LAMC1: variants seen among roughly 807,000 people sequenced by gnomAD.
LAMC1 encodes laminin subunit gamma-1.
Under a neutral mutation model 173.6 loss-of-function variants are expected in LAMC1, and 38 were observed. The observed-to-expected ratio is 0.22, with a 90% CI of 0.17 to 0.29. The LOEUF is 0.29. LAMC1 is among the 10% of genes least tolerant of loss of function. LAMC1 has a pLI of 1.00. For synonymous variants in LAMC1, 746 were observed against 749.1 expected, an observed-to-expected ratio of 1.00 and a Z score of 0.07; for missense variants, 1,824 against 2,051.8, an observed-to-expected ratio of 0.89 and a Z score of 2.14.
At chr1:183,127,538 T>G (rs1656655225) in intron 17 of LAMC1, 134 bp downstream of exon 17, 1 of 677,310 alleles carries the variant, frequency 1.5e-6, no homozygotes. Flanking sequence ...ATGTTCCAGT[T>G]GGGAGGCAAA....
intron 1 of LAMC1, among the ~76,000 whole-genome samples, chr1:183,101,824 G>T (rs979175458): frequency 6.6e-6 from 1 of 152,210 alleles, no homozygotes; most frequent in Admixed American, 6.5e-5. Context: ...GTGCAAGTAT[G>T]TTTCATGTAT....
At chr1:183,071,092 G>T (rs566294912) in intron 1 of LAMC1, among the ~76,000 whole-genome samples, 2,012 of 139,054 alleles carry the variant, frequency 0.014, 58 homozygotes, top group African/African-American at 0.049. Flanking sequence ...TTTTGTTTTT[G>T]TTTTTTTTTT....
intron 23 of LAMC1, 64 bp from the exon 24 acceptor site, chr1:183,134,978 C>A: frequency 1.4e-6 from 2 of 1,442,576 alleles, no homozygotes; most frequent in Non-Finnish European, 1.9e-6. Flanking sequence ...AGAGCCTTGT[C>A]TGTCCAGGAG....
intron 1 of LAMC1, among the ~76,000 whole-genome samples, chr1:183,065,063 T>C (rs1287039318): frequency 1.3e-5 from 2 of 152,230 alleles, no homozygotes; most frequent in Middle Eastern, 3.4e-3. Context: ...TTTTTTTTTC[T>C]TATCAGCATT....
chr1:183,072,925 A>G (rs898729080), intron 1 of LAMC1, among the ~76,000 whole-genome samples: 1 of 152,204 alleles, frequency 6.6e-6, no homozygotes, highest in Admixed American at 6.5e-5. Context: ...AGTTGCAGGA[A>G]AACAAGCTCA....
chr1:183,070,691 G>A (rs1465705979), intron 1 of LAMC1, among the ~76,000 whole-genome samples: 5 of 152,004 alleles, frequency 3.3e-5, no homozygotes, highest in African/African-American at 9.7e-5. Flanking sequence ...CTTTAATTTA[G>A]GGATTTTTTT....
At chr1:183,087,998 A>G (rs1260022746) in intron 1 of LAMC1, among the ~76,000 whole-genome samples, 1 of 151,624 alleles carries the variant, frequency 6.6e-6, no homozygotes, top group Middle Eastern at 3.2e-3. Context: ...TTTTTAGTAG[A>G]GATGGGGTTT....
chr1:183,124,607 A>T, intron 13 of LAMC1, 24 bp from the exon 14 acceptor site: 1 of 1,613,534 alleles, frequency 6.2e-7, no homozygotes, highest in East Asian at 2.2e-5. Context: ...TTTCTTTCAT[A>T]ACATCAGATT....
intron 1 of LAMC1, among the ~76,000 whole-genome samples, chr1:183,080,628 A>G (rs977249491): frequency 3.3e-5 from 5 of 152,160 alleles, no homozygotes; most frequent in Admixed American, 3.3e-4. Context: ...GCTGGGGATC[A>G]GAGGTTTTGT....
At chr1:183,140,211 A>G (rs1302304467) in intron 26 of LAMC1, among the ~76,000 whole-genome samples, 193 bp from the exon 27 acceptor site, 1 of 148,094 alleles carries the variant, frequency 6.8e-6, no homozygotes, top group Non-Finnish European at 1.5e-5. Context: ...AGAAATACCA[A>G]CATCCTCAAT....
chr1:183,047,021 C>T (rs1393060422), intron 1 of LAMC1, among the ~76,000 whole-genome samples: 1 of 152,016 alleles, frequency 6.6e-6, no homozygotes. Flanking sequence ...GCTTAGTTTT[C>T]AACTTCTTTT....
chr1:183,062,368 G>A (rs141122834), intron 1 of LAMC1, among the ~76,000 whole-genome samples: 1,584 of 152,258 alleles, frequency 0.01, 18 homozygotes, highest in Admixed American at 0.012. Flanking sequence ...TTATATGGGT[G>A]CAGAAAACTT....
chr1:183,051,721 C>T (rs1571409963), intron 1 of LAMC1, among the ~76,000 whole-genome samples: 1 of 152,172 alleles, frequency 6.6e-6, no homozygotes. Flanking sequence ...GAGGAAGTTA[C>T]ACTTTTCTTT....
At chr1:183,073,683 T>C (rs575766430) in intron 1 of LAMC1, among the ~76,000 whole-genome samples, 1 of 152,246 alleles carries the variant, frequency 6.6e-6, no homozygotes, top group East Asian at 1.9e-4. Context: ...ATACTAGGCC[T>C]CAAAGTACTC....
chr1:183,086,186 T>C (rs1256107393), intron 1 of LAMC1, among the ~76,000 whole-genome samples: 3 of 152,234 alleles, frequency 2.0e-5, no homozygotes, highest in African/African-American at 2.4e-5. Flanking sequence ...ACAAATCTAG[T>C]GAAGGCTGCC....
At chr1:183,098,361 A>G (rs1655748467) in intron 1 of LAMC1, among the ~76,000 whole-genome samples, 1 of 152,052 alleles carries the variant, frequency 6.6e-6, no homozygotes, top group South Asian at 2.1e-4. Context: ...CCTCTATTCC[A>G]TTTTCTGTAT....
Position 183,131,447 on chromosome 1 carries a change from GTGTGTGTGTGTGTATT to G in LAMC1, c.3566+70_3566+85del, listed in dbSNP as rs1425608767. The G allele has an allele frequency of 1.6e-4, 166 of 1,036,872 alleles. 3 individuals carry two copies. The highest frequency in any genetic ancestry group is 4.1e-4 in the Middle Eastern group (2 of 4,864). The allele number at this position is 1,036,872 out of a possible 1,614,324, so 64.2% of individuals were successfully genotyped here. On this transcript the variant is annotated intron_variant, in intron 20 of 27. Transcript: ENST00000258341. ...TTATGGGGTGTGTGTGTGTGTGTGT[GTGTGTGTGTGTGTATT>G]GTCTTATCCCATAACCCATAAACAC...
At chr1:183,104,343 G>A (rs2027078) in intron 2 of LAMC1, among the ~76,000 whole-genome samples, 74,623 of 151,878 alleles carry the variant, frequency 0.49, 19,594 homozygotes, top group South Asian at 0.65. Context: ...ACCATAATAC[G>A]GAATTCTTCT....
At position 183,113,973 on chromosome 1, in the gene LAMC1, C is replaced by T. The variant is rs142383824; in HGVS notation, c.1022-558C>T. On this transcript the variant is annotated intron_variant, in intron 4 of 27. Coordinates refer to ENST00000258341, the MANE Select transcript of LAMC1 (RefSeq NM_002293.4). Reference sequence around the variant, plus strand: ...AAGTACGAGAATTCCTTGTATCTTACGATGGTGCTGTTTTTTAGAGGGAGG... The same window carrying T: ...AAGTACGAGAATTCCTTGTATCTTATGATGGTGCTGTTTTTTAGAGGGAGG... 7.4e-4 allele frequency among the ~76,000 whole-genome samples: 113 copies of T among 152,272 alleles called. 1 individual carries two copies. Among genetic ancestry groups the T allele is most frequent in the Admixed American group, 2.7e-3 (41 of 15,290 alleles).
Sources: allele counts gnomAD v4.1 joint callset (sites outside exome capture counted in the v4.1 genomes callset), GRCh38; gene constraint gnomAD v4.1.1; transcripts MANE v1.5; gene names NCBI Gene and HGNC (gene_info 2026-07-23, HGNC 2026-07-21).